EXOC6B: variants seen among roughly 807,000 people sequenced by gnomAD.
The protein encoded by EXOC6B is SEC15 homolog B.
In EXOC6B, 54 loss-of-function variants were observed where a neutral mutation model predicts 113.5. The ratio of observed to expected loss-of-function variants is 0.48; its 90% CI spans 0.38 to 0.60. The LOEUF (loss-of-function observed/expected upper bound fraction) is 0.60, where lower values mean the gene tolerates loss of function less well. Ranked by LOEUF, EXOC6B falls within the 20% of genes least tolerant of loss-of-function variation. The pLI, the probability that EXOC6B is intolerant of heterozygous loss-of-function variation, is 0.00. For missense variants in EXOC6B, 797 were observed against 977.5 expected, an observed-to-expected ratio of 0.82 and a Z score of 2.46; for synonymous variants, 357 against 339.0, an observed-to-expected ratio of 1.05 and a Z score of -0.58.
chr2:72,335,071 G>A (rs371853759), intron 19 of EXOC6B, 51 bp from the exon 20 acceptor site: 3 of 1,525,258 alleles, frequency 2.0e-6, no homozygotes, highest in African/African-American at 1.4e-5. Flanking sequence ...CCATGGACAG[G>A]GAGATTGGCA....
At chr2:72,484,333 C>T (rs1466259183) in intron 16 of EXOC6B, among the ~76,000 whole-genome samples, 8 of 149,892 alleles carry the variant, frequency 5.3e-5, no homozygotes, top group Non-Finnish European at 1.0e-4. Context: ...CCGAGACGGG[C>T]GGATCACGAG....
intron 18 of EXOC6B, among the ~76,000 whole-genome samples, chr2:72,431,508 T>TCTATCTAA: frequency 6.6e-6 from 1 of 151,242 alleles, no homozygotes; most frequent in South Asian, 2.1e-4. Context: ...TATCTATCTA[T>TCTATCTAA]CTATCTATCT....
At chr2:72,181,208 C>CAAAAAAAAAAA (rs397936010) in intron 21 of EXOC6B, among the ~76,000 whole-genome samples, 1 of 121,812 alleles carries the variant, frequency 8.2e-6, no homozygotes, top group African/African-American at 3.2e-5. Context: ...GACTCCGTCT[C>CAAAAAAAAAAA]AAAAAAAAAA....
intron 6 of EXOC6B, among the ~76,000 whole-genome samples, chr2:72,676,622 C>T (rs910558930): frequency 6.6e-6 from 1 of 152,140 alleles, no homozygotes; most frequent in African/African-American, 2.4e-5. Flanking sequence ...CTGGCCTTCA[C>T]AGAATCAGAA....
chr2:72,398,923 AAAC>A (rs1262742470), intron 18 of EXOC6B, among the ~76,000 whole-genome samples: 1 of 152,076 alleles, frequency 6.6e-6, no homozygotes, highest in Non-Finnish European at 1.5e-5. Context: ...GAAAAACATA[AAAC>A]AATAAAAAGA....
At chr2:72,442,682 A>G (rs1696282131) in intron 18 of EXOC6B, among the ~76,000 whole-genome samples, 2 of 152,220 alleles carry the variant, frequency 1.3e-5, no homozygotes, top group Admixed American at 6.5e-5. Flanking sequence ...ACAGCTAAGT[A>G]GGGAGGTAAA....
intron 19 of EXOC6B, among the ~76,000 whole-genome samples, chr2:72,371,151 A>T (rs1025662686): frequency 6.6e-6 from 1 of 151,986 alleles, no homozygotes; most frequent in Non-Finnish European, 1.5e-5. Context: ...TGAGGTCCCC[A>T]TTTCAGGCCC....
Position 72,567,091 on chromosome 2 carries a change from T to A in EXOC6B, c.847-7570A>T, listed in dbSNP as rs528389837. 3.2e-3 allele frequency among the ~76,000 whole-genome samples: 481 copies of A among 152,124 alleles called. 2 individuals carry two copies. Among genetic ancestry groups the A allele is most frequent in the African/African-American group, 0.011 (457 of 41,550 alleles). On this transcript the variant is annotated intron_variant, in intron 7 of 21. Coordinates refer to ENST00000272427, the MANE Select transcript of EXOC6B (RefSeq NM_015189.3). ...ATATCTTCTTATATAGTTTTGCCTT[T>A]GAATCATGTTCATATTTTAAATAGT...
At chr2:72,452,971 T>C (rs924418718) in intron 18 of EXOC6B, among the ~76,000 whole-genome samples, 2 of 152,148 alleles carry the variant, frequency 1.3e-5, no homozygotes, top group African/African-American at 4.8e-5. Flanking sequence ...CTCAGTCCCC[T>C]TGCCTAGAAG....
In EXOC6B at chr2:72,718,771, C is replaced by T. The variant is rs141794493; in HGVS notation, c.465-464G>A. On this transcript the variant is annotated intron_variant, in intron 5 of 21. Transcript: ENST00000272427. ...TGAGGCATGAGAATCATTTGAACCC[C>T]GGAGGCGGAGGTTTCAGTTAGCCAA... is the stretch of plus-strand genomic sequence containing the variant. Among the ~76,000 whole-genome samples the T allele has an allele frequency of 2.4e-3, 368 of 152,194 alleles. 2 individuals are homozygous for T. Among genetic ancestry groups the T allele is most frequent in the African/African-American group, 6.0e-3 (250 of 41,536 alleles).
chr2:72,537,263 T>C (rs1387747128), intron 8 of EXOC6B, among the ~76,000 whole-genome samples: 1 of 152,124 alleles, frequency 6.6e-6, no homozygotes, highest in Non-Finnish European at 1.5e-5. Flanking sequence ...ATCTTTCTTG[T>C]AGATTTTTCA....
intron 11 of EXOC6B, among the ~76,000 whole-genome samples, chr2:72,500,773 A>G (rs935206042): frequency 1.3e-5 from 2 of 152,170 alleles, no homozygotes; most frequent in African/African-American, 2.4e-5. Context: ...ATTGATTTTG[A>G]GATTCAAATT....
At chr2:72,675,353 C>A (rs1353537896) in intron 6 of EXOC6B, among the ~76,000 whole-genome samples, 2 of 152,212 alleles carry the variant, frequency 1.3e-5, no homozygotes, top group East Asian at 3.9e-4. Flanking sequence ...GAACAACCTA[C>A]CTAAAAGCTG....
intron 20 of EXOC6B, among the ~76,000 whole-genome samples, chr2:72,219,081 G>T (rs371990569): frequency 6.6e-6 from 1 of 152,074 alleles, no homozygotes; most frequent in African/African-American, 2.4e-5. Context: ...TTCTATGGGC[G>T]ACAAGAGGCA....
chr2:72,672,999 CTGATT>C (rs1367207802), intron 6 of EXOC6B, among the ~76,000 whole-genome samples: 1 of 152,056 alleles, frequency 6.6e-6, no homozygotes, highest in East Asian at 1.9e-4. Context: ...CCCAATTACT[CTGATT>C]TGATTATATG....
chr2:72,646,039 C>A (rs1284888821), intron 6 of EXOC6B, among the ~76,000 whole-genome samples: 2 of 151,970 alleles, frequency 1.3e-5, no homozygotes, highest in Non-Finnish European at 2.9e-5. Flanking sequence ...AATTGATAGA[C>A]CATTAGCAAG....
At chr2:72,349,488 T>C (rs190754729) in intron 19 of EXOC6B, among the ~76,000 whole-genome samples, 1 of 152,250 alleles carries the variant, frequency 6.6e-6, no homozygotes, top group East Asian at 1.9e-4. Flanking sequence ...GTACTGGAGA[T>C]TGAGCTCAAT....
At chr2:72,788,564 A>G (rs939727870) in intron 1 of EXOC6B, among the ~76,000 whole-genome samples, 1 of 152,214 alleles carries the variant, frequency 6.6e-6, no homozygotes, top group African/African-American at 2.4e-5. Flanking sequence ...TGGGAGGCCA[A>G]GCCAGGAGGA....
At chr2:72,374,652 T>C (rs564029598) in intron 19 of EXOC6B, among the ~76,000 whole-genome samples, 1 of 151,902 alleles carries the variant, frequency 6.6e-6, no homozygotes, top group African/African-American at 2.4e-5. Flanking sequence ...ATAGTCAAAA[T>C]AATTTAATGG....
Sources: gnomAD v4.1 joint callset for allele counts (sites outside exome capture counted in the v4.1 genomes callset) on GRCh38, gnomAD v4.1.1 for gene constraint, MANE v1.5 for transcripts, NCBI Gene and HGNC (gene_info 2026-07-23, HGNC 2026-07-21) for gene names.